The following SLC9A8 variants were observed in gnomAD, a reference collection of about 807,000 sequenced individuals.
The protein encoded by SLC9A8 is solute carrier family 9 member A8, also known as sodium/hydrogen exchanger 8.
Under a neutral mutation model 66.6 loss-of-function variants are expected in SLC9A8, and 48 were observed. The observed-to-expected ratio is 0.72, with a 90% CI of 0.57 to 0.92. SLC9A8 has a LOEUF of 0.92. Among genes scored for constraint, SLC9A8 ranks in the 40% least tolerant of loss-of-function variants. SLC9A8 has a pLI of 0.00. For synonymous variants in SLC9A8, 274 were observed against 282.6 expected (o/e 0.97, Z 0.31); for missense variants, 599 against 747.3 (o/e 0.80, Z 2.31).
chr20:49,815,027 CATG>C lies in SLC9A8; in HGVS notation c.48_50del (p.His16_Glu17delinsGln). ...CTCCAGGAGGTTCCCCAATACAACT[CATG>C]AGGGTTTCAATGTCACCCTCCACAC... On this transcript the variant is annotated inframe_deletion, in exon 2 of 16. Transcript: ENST00000361573. 8 of 1,593,762 alleles carry C rather than the reference CATG, an allele frequency of 5.0e-6. No individual in the cohort carries two copies. The highest frequency in any genetic ancestry group is 6.8e-6 in the Non-Finnish European group (8 of 1,169,256).
chr20:49,822,894 C>T (rs73123852), intron 2 of SLC9A8, among the ~76,000 whole-genome samples, 167 bp from the exon 3 acceptor site: 196 of 152,284 alleles, frequency 1.3e-3, no homozygotes, highest in Non-Finnish European at 2.3e-3. Flanking sequence ...AATGTACCTC[C>T]AGTTTAAGAA....
chr20:49,877,141 A>T (rs922126120), intron 11 of SLC9A8, among the ~76,000 whole-genome samples: 2 of 151,138 alleles, frequency 1.3e-5, no homozygotes, highest in African/African-American at 2.4e-5. Flanking sequence ...AAAAAAAAAA[A>T]AAAATAGCTG....
chr20:49,823,119 G>A lies in SLC9A8; in HGVS notation c.267G>A (p.Glu89=). 1 of 1,612,216 alleles carries A rather than the reference G, an allele frequency of 6.2e-7. No individual in the cohort carries two copies. Among genetic ancestry groups the A allele is most frequent in the Non-Finnish European group, 8.5e-7 (1 of 1,179,144 alleles). ...LIRYRLHFLP[E]SVAVVSLGIL... is the part of the protein sequence containing the mutation. The stretch of plus-strand genomic sequence containing the variant: ...GATACAGATTACATTTCTTGCCAGA[G>A]AGTGTTGCTGTTGTTTCTTTAGGTA... The change falls in exon 3 of 16, where the codon GAG becomes GAA. Residue 89 remains glutamate (E), a synonymous_variant. Coordinates refer to ENST00000361573, the MANE Select transcript of SLC9A8 (RefSeq NM_015266.3).
chr20:49,836,355 A>G (rs1176999789), intron 3 of SLC9A8, among the ~76,000 whole-genome samples: 1 of 151,952 alleles, frequency 6.6e-6, no homozygotes, highest in Non-Finnish European at 1.5e-5. Context: ...TTTTTTTGAA[A>G]TGGAGTCTAA....
intron 3 of SLC9A8, among the ~76,000 whole-genome samples, chr20:49,831,597 A>G (rs1460299508): frequency 2.0e-5 from 3 of 152,176 alleles, no homozygotes; most frequent in Non-Finnish European, 1.5e-5. Flanking sequence ...CGAAGAGGCT[A>G]TAGTCATGTC....
intron 8 of SLC9A8, among the ~76,000 whole-genome samples, chr20:49,861,496 T>C (rs1222158861): frequency 6.6e-6 from 1 of 152,056 alleles, no homozygotes; most frequent in Non-Finnish European, 1.5e-5. Context: ...TGAGCTGAGA[T>C]CATGCCACTG....
chr20:49,828,705 G>A (rs1436993047), intron 3 of SLC9A8, among the ~76,000 whole-genome samples: 1 of 151,744 alleles, frequency 6.6e-6, no homozygotes, highest in East Asian at 2.0e-4. Flanking sequence ...CAAGCATGGT[G>A]GCATATATCT....
intron 14 of SLC9A8, 159 bp downstream of exon 14, chr20:49,884,225 CA>C (rs1387028044): frequency 0.029 from 6,809 of 232,200 alleles, 250 homozygotes; most frequent in Non-Finnish European, 0.041. Context: ...CACACACACA[CA>C]CACACACACA....
chr20:49,850,877 T>C (rs375586419), intron 7 of SLC9A8, 33 bp downstream of exon 7: 50 of 1,513,512 alleles, frequency 3.3e-5, no homozygotes, highest in Non-Finnish European at 4.3e-5. Flanking sequence ...CCCATGCGAC[T>C]GCTTTTCAGA....
chr20:49,860,902 C>T (rs1347654137), intron 8 of SLC9A8, among the ~76,000 whole-genome samples: 4 of 152,310 alleles, frequency 2.6e-5, no homozygotes, highest in African/African-American at 4.8e-5. Flanking sequence ...TGGACACAGG[C>T]TTCATCCTCA....
At chr20:49,876,269 C>A (rs954968839) in intron 11 of SLC9A8, among the ~76,000 whole-genome samples, 1 of 152,240 alleles carries the variant, frequency 6.6e-6, no homozygotes, top group Admixed American at 6.5e-5. Context: ...AGATTCTGAC[C>A]CTGAGCCTCC....
chr20:49,838,575 G>A (rs1460597706), intron 3 of SLC9A8, among the ~76,000 whole-genome samples: 1 of 152,202 alleles, frequency 6.6e-6, no homozygotes, highest in African/African-American at 2.4e-5. Flanking sequence ...TACCCACCCT[G>A]AGGTAGTTTT....
At chr20:49,813,513 T>G (rs1409404304) in intron 1 of SLC9A8, among the ~76,000 whole-genome samples, 1 of 152,212 alleles carries the variant, frequency 6.6e-6, no homozygotes, top group Non-Finnish European at 1.5e-5. Flanking sequence ...TGGTTTCAGA[T>G]CGTGATTAAT....
intron 11 of SLC9A8, among the ~76,000 whole-genome samples, chr20:49,876,566 C>A (rs2089435723): frequency 6.6e-6 from 1 of 152,148 alleles, no homozygotes; most frequent in Non-Finnish European, 1.5e-5. Flanking sequence ...GAGGATTGGG[C>A]ATTAGAAAAA....
At chr20:49,857,516 AAGACCAGCCTGGCC>A (rs1414610925) in intron 8 of SLC9A8, among the ~76,000 whole-genome samples, 1 of 152,130 alleles carries the variant, frequency 6.6e-6, no homozygotes, top group African/African-American at 2.4e-5. Flanking sequence ...CCAGGAGTTC[AAGACCAGCCTGGCC>A]AACATGGTGA....
chr20:49,881,153 C>T (rs571474453), intron 13 of SLC9A8, 118 bp downstream of exon 13: 2 of 696,542 alleles, frequency 2.9e-6, no homozygotes, highest in South Asian at 3.2e-5. Context: ...ATCAATACTC[C>T]CGTTTAATGG....
chr20:49,855,650 A>G, intron 8 of SLC9A8, 69 bp downstream of exon 8: 1 of 1,453,554 alleles, frequency 6.9e-7, no homozygotes. Flanking sequence ...ACAAAGGGGC[A>G]GATATTTCCA....
rs758928369 is a variant in SLC9A8 at position 49,818,479 on chromosome 20, A to ATTT, written c.208+3311_208+3313dup. ...TTCTGATTAGATATCCAAACATTGA[A>ATTT]TTTTTTTTTTTTTTTTTTTTTTTCC... On this transcript the variant is annotated intron_variant, in intron 2 of 15. Coordinates refer to ENST00000361573, the MANE Select transcript of SLC9A8 (RefSeq NM_015266.3). Among the ~76,000 whole-genome samples the ATTT allele has an allele frequency of 8.0e-5, 10 of 125,000 alleles. No homozygotes were observed. In the East Asian group the frequency reaches 9.0e-4, roughly 11 times the overall value. The allele number at this position is 125,000 out of a possible 152,430, so 82.0% of individuals were successfully genotyped here. A position where few individuals can be genotyped will look rare whatever the true frequency, so the allele number is the denominator to read the frequency against.
At chr20:49,861,222 T>C (rs935508376) in intron 8 of SLC9A8, among the ~76,000 whole-genome samples, 4 of 152,038 alleles carry the variant, frequency 2.6e-5, no homozygotes, top group African/African-American at 9.7e-5. Flanking sequence ...GTCGGGAAAC[T>C]GTGAGTTCTG....
Sources: gnomAD v4.1 joint callset for allele counts (sites outside exome capture counted in the v4.1 genomes callset) on GRCh38, gnomAD v4.1.1 for gene constraint, MANE v1.5 for transcripts, NCBI Gene and HGNC (gene_info 2026-07-23, HGNC 2026-07-21) for gene names.